The following MAP7D2 variants were observed in gnomAD, a reference collection of about 807,000 sequenced individuals.
The protein encoded by MAP7D2 is MAP7 domain-containing protein 2.
Under a neutral mutation model 63.5 loss-of-function variants are expected in MAP7D2, and 33 were observed. That is an observed-to-expected ratio of 0.52 (90% confidence interval 0.39 to 0.70). MAP7D2 has a LOEUF of 0.70. MAP7D2 is among the 30% of genes least tolerant of loss of function. The pLI is 0.00. For synonymous variants in MAP7D2, 224 were observed against 223.7 expected (o/e 1.00, Z -0.01); for missense variants, 626 against 604.0 (o/e 1.04, Z -0.38).
chrX:20,035,919 AAT>A (rs775430205), intron 8 of MAP7D2, among the ~76,000 whole-genome samples: 201 of 63,184 alleles, frequency 3.2e-3, no homozygotes, highest in Admixed American at 6.1e-3. Context: ...TCTCAAAAAA[AAT>A]ATATATGTGT....
At chrX:20,049,268 G>GT (rs2064880425) in intron 6 of MAP7D2, among the ~76,000 whole-genome samples, 1 of 87,281 alleles carries the variant, frequency 1.1e-5, no homozygotes, top group Non-Finnish European at 2.1e-5. Context: ...GCATGTATCT[G>GT]TATTTTTTTT....
chrX:20,038,648 T>G (rs992727178), intron 8 of MAP7D2, among the ~76,000 whole-genome samples: 2 of 111,294 alleles, frequency 1.8e-5, no homozygotes, highest in African/African-American at 6.5e-5. Flanking sequence ...AGCAAAATTT[T>G]TGCTTCCTGT....
intron 4 of MAP7D2, among the ~76,000 whole-genome samples, chrX:20,053,558 T>C (rs1227143908): frequency 9.0e-6 from 1 of 111,710 alleles, no homozygotes; most frequent in Non-Finnish European, 1.9e-5. Context: ...ATGGTCCTTT[T>C]GCAAATGCTT....
chrX:20,102,963 G>A (rs1172905891), intron 1 of MAP7D2, among the ~76,000 whole-genome samples: 1 of 111,121 alleles, frequency 9.0e-6, no homozygotes, highest in Non-Finnish European at 1.9e-5. Flanking sequence ...GAGTTCTAGG[G>A]GCCAATGTCT....
At chrX:20,038,281 C>T (rs2064552413) in intron 8 of MAP7D2, among the ~76,000 whole-genome samples, 1 of 112,094 alleles carries the variant, frequency 8.9e-6, no homozygotes, top group Admixed American at 9.5e-5. Context: ...AATGCCTTAT[C>T]CACCTTCATG....
intron 1 of MAP7D2, among the ~76,000 whole-genome samples, chrX:20,076,966 G>C (rs2065660529): frequency 8.9e-6 from 1 of 112,769 alleles, no homozygotes; most frequent in African/African-American, 3.2e-5. Flanking sequence ...ACAGCTAAGA[G>C]AAGGGCCATT....
chrX:20,023,648 T>C (rs1308324694), intron 10 of MAP7D2, among the ~76,000 whole-genome samples: 1 of 112,051 alleles, frequency 8.9e-6, no homozygotes, highest in Non-Finnish European at 1.9e-5. Context: ...AGCTGGAAAG[T>C]AAAGAACATC....
At chrX:20,077,161 A>T (rs2065666068) in intron 1 of MAP7D2, among the ~76,000 whole-genome samples, 1 of 112,120 alleles carries the variant, frequency 8.9e-6, no homozygotes, top group Non-Finnish European at 1.9e-5. Flanking sequence ...AAGAAGGTAC[A>T]ACAGGAGTTC....
At chrX:20,113,371 G>A (rs748462170) in intron 1 of MAP7D2, among the ~76,000 whole-genome samples, 41 of 110,993 alleles carry the variant, frequency 3.7e-4, no homozygotes, top group African/African-American at 1.3e-3. Flanking sequence ...TCAGCCTCCC[G>A]AGTAGCTGGG....
At chrX:20,024,394 C>T (rs749279896) in intron 10 of MAP7D2, among the ~76,000 whole-genome samples, 7 of 111,684 alleles carry the variant, frequency 6.3e-5, no homozygotes, top group Non-Finnish European at 1.3e-4. Context: ...GCAATGATGT[C>T]TTTTGTCTTG....
At chrX:20,059,903 TGAACA>T (rs1389830365) in intron 3 of MAP7D2, among the ~76,000 whole-genome samples, 1 of 111,644 alleles carries the variant, frequency 9.0e-6, no homozygotes, top group Non-Finnish European at 1.9e-5. Context: ...CTGAACTGGC[TGAACA>T]GTATTAAAGG....
intron 12 of MAP7D2, among the ~76,000 whole-genome samples, chrX:20,014,347 C>T (rs1224272734): frequency 2.7e-5 from 3 of 111,926 alleles, no homozygotes; most frequent in Non-Finnish European, 3.8e-5. Context: ...GCAGGAGGAT[C>T]CCTTGAGTCC....
chrX:20,013,656 G>C (rs1286642196), intron 12 of MAP7D2, 31 bp from the exon 13 acceptor site: 2 of 1,045,048 alleles, frequency 1.9e-6, no homozygotes, highest in Admixed American at 2.4e-5. Flanking sequence ...ACAAAATCAA[G>C]TAAGAGGACA....
At chrX:20,107,884 AG>A (rs1274807963) in intron 1 of MAP7D2, among the ~76,000 whole-genome samples, 1 of 111,998 alleles carries the variant, frequency 8.9e-6, no homozygotes, top group African/African-American at 3.2e-5. Flanking sequence ...GAAAATATTC[AG>A]AAACTGTAGC....
chrX:20,064,837 T>A, intron 1 of MAP7D2, 32 bp from the exon 2 acceptor site: 1 of 1,149,400 alleles, frequency 8.7e-7, no homozygotes, highest in Non-Finnish European at 1.2e-6. Flanking sequence ...TATGTTTCAG[T>A]TCTTCACTCT....
At chrX:20,065,071 C>T (rs1016114785) in intron 1 of MAP7D2, among the ~76,000 whole-genome samples, 1 of 111,270 alleles carries the variant, frequency 9.0e-6, no homozygotes, top group African/African-American at 3.3e-5. Flanking sequence ...TTCCTTAATC[C>T]TTTGCCCCCA....
chrX:20,068,475 A>G (rs983063584), intron 1 of MAP7D2, among the ~76,000 whole-genome samples: 1 of 112,376 alleles, frequency 8.9e-6, no homozygotes, highest in Admixed American at 9.4e-5. Flanking sequence ...AAACATTTTG[A>G]GAATATCCAT....
At chrX:20,113,282 T>C (rs1453262833) in intron 1 of MAP7D2, among the ~76,000 whole-genome samples, 1 of 111,429 alleles carries the variant, frequency 9.0e-6, no homozygotes, top group Non-Finnish European at 1.9e-5. Context: ...AGTCTCACTC[T>C]GTCGCCCGGG....
At chrX:20,008,825 A>AT (rs1357349140) in intron 16 of MAP7D2, among the ~76,000 whole-genome samples, 1 of 111,460 alleles carries the variant, frequency 9.0e-6, no homozygotes, top group East Asian at 2.8e-4. Flanking sequence ...ATAATTTGAG[A>AT]TTTTTCTTTT....
Sources: allele counts gnomAD v4.1 joint callset (sites outside exome capture counted in the v4.1 genomes callset), GRCh38; gene constraint gnomAD v4.1.1; transcripts MANE v1.5; gene names NCBI Gene and HGNC (gene_info 2026-07-23, HGNC 2026-07-21).